Variants in GOLPH3L observed in about 807,000 individuals in gnomAD.
The protein encoded by GOLPH3L is Golgi phosphoprotein 3-like.
In GOLPH3L, 22 loss-of-function variants were observed where a neutral mutation model predicts 30.3. The observed-to-expected ratio is 0.73, with a 90% confidence interval of 0.52 to 1.04. The LOEUF (loss-of-function observed/expected upper bound fraction) is 1.04. Among genes scored for constraint, GOLPH3L ranks in the 50% least tolerant of loss-of-function variants. The pLI is 0.00. For synonymous variants in GOLPH3L, 120 were observed against 128.2 expected, an observed-to-expected ratio of 0.94 and a Z score of 0.43; for missense variants, 303 against 345.8, an observed-to-expected ratio of 0.88 and a Z score of 0.98.
At chr1:150,690,861 A>G (rs943602708) in intron 2 of GOLPH3L, among the ~76,000 whole-genome samples, 7 of 152,060 alleles carry the variant, frequency 4.6e-5, no homozygotes, top group Non-Finnish European at 8.8e-5. Context: ...TCCTCTCTCT[A>G]ACTCCCTTGG....
chr1:150,673,503 T>C (rs751028020), intron 2 of GOLPH3L, among the ~76,000 whole-genome samples: 4 of 149,246 alleles, frequency 2.7e-5, no homozygotes, highest in East Asian at 2.0e-4. Context: ...GAGGCGGAGG[T>C]TGCAGTGAGC....
chr1:150,693,540 T>C (rs1651260446), intron 2 of GOLPH3L, among the ~76,000 whole-genome samples: 1 of 151,952 alleles, frequency 6.6e-6, no homozygotes, highest in Non-Finnish European at 1.5e-5. Context: ...GTTTAAAATG[T>C]TACCTTCGTA....
intron 2 of GOLPH3L, among the ~76,000 whole-genome samples, chr1:150,671,806 CAAAAAA>C (rs397793655): frequency 2.8e-4 from 13 of 47,154 alleles, no homozygotes; most frequent in Non-Finnish European, 4.2e-4. Flanking sequence ...AACTCCGTCT[CAAAAAA>C]AAAAAAAAAA....
chr1:150,683,531 C>CAAAA (rs35646727), intron 2 of GOLPH3L, among the ~76,000 whole-genome samples: 31 of 55,528 alleles, frequency 5.6e-4, no homozygotes, highest in South Asian at 7.5e-4. Flanking sequence ...GACTCTGTCT[C>CAAAA]AAAAAAAAAA....
At chr1:150,695,564 C>G (rs990315880) in intron 1 of GOLPH3L, among the ~76,000 whole-genome samples, 2 of 151,830 alleles carry the variant, frequency 1.3e-5, no homozygotes, top group African/African-American at 2.4e-5. Context: ...GCATCCAGCC[C>G]CAAAATGCAT....
At chr1:150,679,920 C>T (rs745790034) in intron 2 of GOLPH3L, among the ~76,000 whole-genome samples, 13 of 152,022 alleles carry the variant, frequency 8.6e-5, no homozygotes, top group Non-Finnish European at 1.8e-4. Flanking sequence ...GCCTGGCTAA[C>T]ACAGTGAAAC....
intron 4 of GOLPH3L, among the ~76,000 whole-genome samples, chr1:150,652,453 A>G (rs1650144177): frequency 6.6e-6 from 1 of 151,400 alleles, no homozygotes; most frequent in Non-Finnish European, 1.5e-5. Context: ...AAAAATTTCT[A>G]AAAAGGAGAA....
chr1:150,655,322 G>A (rs1326618804), intron 4 of GOLPH3L, among the ~76,000 whole-genome samples: 2 of 152,122 alleles, frequency 1.3e-5, no homozygotes, highest in South Asian at 2.1e-4. Context: ...ATTGTGAAGG[G>A]CCCAATGGAC....
intron 2 of GOLPH3L, 122 bp downstream of exon 2, chr1:150,694,534 C>A: frequency 1.7e-6 from 1 of 595,600 alleles, no homozygotes. Flanking sequence ...CTCCATCTTC[C>A]AGATGGTTAG....
intron 2 of GOLPH3L, among the ~76,000 whole-genome samples, chr1:150,687,435 C>T (rs1311283033): frequency 2.0e-5 from 3 of 151,724 alleles, no homozygotes; most frequent in Admixed American, 6.6e-5. Flanking sequence ...AAAAATTAGC[C>T]GGGCGTGGTG....
At chr1:150,665,987 T>C (rs1003860902) in intron 2 of GOLPH3L, among the ~76,000 whole-genome samples, 33 of 152,222 alleles carry the variant, frequency 2.2e-4, no homozygotes, top group African/African-American at 8.0e-4. Flanking sequence ...TGCCCTCTTC[T>C]TCCAGCTTCT....
intron 4 of GOLPH3L, among the ~76,000 whole-genome samples, chr1:150,651,314 AAAAAAC>A (rs1650098755): frequency 6.6e-6 from 1 of 152,138 alleles, no homozygotes; most frequent in African/African-American, 2.4e-5. Context: ...CTCCATCTCA[AAAAAAC>A]AAAAACAAAA....
At chr1:150,694,265 GTTCC>G in intron 2 of GOLPH3L, 1 of 315,760 alleles carries the variant, frequency 3.2e-6, no homozygotes, top group South Asian at 2.5e-5. Flanking sequence ...AATCACACAT[GTTCC>G]TTGTCTTTTC....
chr1:150,693,568 T>C (rs1365655229), intron 2 of GOLPH3L, among the ~76,000 whole-genome samples: 1 of 151,582 alleles, frequency 6.6e-6, no homozygotes, highest in East Asian at 1.9e-4. Context: ...CATGAGGGAA[T>C]AGTGTGATGA....
chr1:150,649,415 G>A (rs1159640725), intron 4 of GOLPH3L, among the ~76,000 whole-genome samples: 2 of 152,126 alleles, frequency 1.3e-5, no homozygotes, highest in Non-Finnish European at 2.9e-5. Flanking sequence ...GACTTTATTT[G>A]GAACACAGTG....
intron 2 of GOLPH3L, among the ~76,000 whole-genome samples, chr1:150,678,272 G>C (rs1293526000): frequency 1.7e-5 from 1 of 60,288 alleles, no homozygotes; most frequent in Non-Finnish European, 3.0e-5. Flanking sequence ...CAACAAGATC[G>C]AAACTCCGTC....
At chr1:150,683,927 A>T (rs189672234) in intron 2 of GOLPH3L, among the ~76,000 whole-genome samples, 7 of 152,200 alleles carry the variant, frequency 4.6e-5, no homozygotes, top group Admixed American at 4.6e-4. Flanking sequence ...GTGTCCCCTC[A>T]AATTTCATAT....
intron 2 of GOLPH3L, among the ~76,000 whole-genome samples, chr1:150,672,148 A>G (rs587753865): frequency 1.3e-5 from 2 of 152,276 alleles, no homozygotes; most frequent in East Asian, 3.9e-4. Flanking sequence ...AAATGTTATC[A>G]TGTTGCTTTG....
chr1:150,651,227 C>T (rs1571031813), intron 4 of GOLPH3L, among the ~76,000 whole-genome samples: 9 of 151,896 alleles, frequency 5.9e-5, no homozygotes, highest in Admixed American at 5.9e-4. Context: ...GGCAGAGAAT[C>T]GCTTGAACCT....
Sources: gnomAD v4.1 joint callset for allele counts (sites outside exome capture counted in the v4.1 genomes callset) on GRCh38, gnomAD v4.1.1 for gene constraint, MANE v1.5 for transcripts, NCBI Gene and HGNC (gene_info 2026-07-23, HGNC 2026-07-21) for gene names.